GPM6B: variants seen among roughly 807,000 people sequenced by gnomAD.
GPM6B encodes the protein glycoprotein M6B, also known as neuronal membrane glycoprotein M6-b.
GPM6B carries 4 observed loss-of-function variants against 27.2 expected under a neutral mutation model. The ratio of observed to expected loss-of-function variants is 0.15; its 90% CI spans 0.07 to 0.34. GPM6B has a LOEUF of 0.34. Among genes scored for constraint, GPM6B ranks in the 10% least tolerant of loss-of-function variants. GPM6B has a pLI of 1.00. For missense variants in GPM6B, 183 were observed against 261.9 expected, an observed-to-expected ratio of 0.70 and a Z score of 2.08; for synonymous variants, 124 against 103.1, an observed-to-expected ratio of 1.20 and a Z score of -1.23.
At chrX:13,869,267 TAGGAAA>T (rs1481308898) in intron 1 of GPM6B, among the ~76,000 whole-genome samples, 14 of 110,336 alleles carry the variant, frequency 1.3e-4, no homozygotes, top group Non-Finnish European at 2.5e-4. Flanking sequence ...ATGTCCAGAA[TAGGAAA>T]ACCTATAGAG....
At chrX:13,786,533 C>A (rs1035771330) in intron 2 of GPM6B, among the ~76,000 whole-genome samples, 2 of 110,602 alleles carry the variant, frequency 1.8e-5, no homozygotes, top group Non-Finnish European at 3.8e-5. Context: ...TCCCCCCAGC[C>A]CAGTCAGCCC....
chrX:13,856,433 C>A (rs770465092), intron 1 of GPM6B, among the ~76,000 whole-genome samples: 77 of 111,902 alleles, frequency 6.9e-4, no homozygotes, highest in Non-Finnish European at 1.4e-3. Flanking sequence ...ATCTTCATGA[C>A]CATCCTCAGA....
At chrX:13,815,218 T>C (rs1225207982) in intron 1 of GPM6B, among the ~76,000 whole-genome samples, 1 of 112,010 alleles carries the variant, frequency 8.9e-6, no homozygotes, top group Non-Finnish European at 1.9e-5. Flanking sequence ...CAAAACGGTT[T>C]TATCTGCCAT....
intron 2 of GPM6B, among the ~76,000 whole-genome samples, chrX:13,793,554 A>G (rs972413239): frequency 2.7e-5 from 3 of 112,364 alleles, no homozygotes; most frequent in African/African-American, 9.7e-5. Context: ...GTTACAATAC[A>G]TAATTCTGGT....
At chrX:13,831,351 C>T (rs774830381) in intron 1 of GPM6B, among the ~76,000 whole-genome samples, 4 of 110,806 alleles carry the variant, frequency 3.6e-5, no homozygotes, top group African/African-American at 3.3e-5. Flanking sequence ...TGGGAGGTCT[C>T]GGTTCTAAGG....
intron 1 of GPM6B, among the ~76,000 whole-genome samples, chrX:13,926,896 T>TA (rs1569311183): frequency 1.8e-5 from 2 of 111,260 alleles, no homozygotes; most frequent in Non-Finnish European, 3.8e-5. Flanking sequence ...GCACAAGTCA[T>TA]AAAAAATTAA....
chrX:13,803,699 G>A (rs1174066484), intron 2 of GPM6B, among the ~76,000 whole-genome samples: 1 of 111,911 alleles, frequency 8.9e-6, no homozygotes, highest in East Asian at 2.8e-4. Context: ...GGAGATGAGA[G>A]ACATTTGAGA....
At chrX:13,797,635 G>T (rs1270557857) in intron 2 of GPM6B, among the ~76,000 whole-genome samples, 1 of 111,185 alleles carries the variant, frequency 9.0e-6, no homozygotes, top group Non-Finnish European at 1.9e-5. Context: ...GAGAGGGAAG[G>T]TTTGTGAGCA....
chrX:13,831,912 A>G (rs1054457774), intron 1 of GPM6B, among the ~76,000 whole-genome samples: 2 of 111,674 alleles, frequency 1.8e-5, no homozygotes, highest in African/African-American at 3.2e-5. Flanking sequence ...GATAAAATTT[A>G]GTGCTATCAA....
intron 1 of GPM6B, among the ~76,000 whole-genome samples, chrX:13,917,840 G>A (rs2050443394): frequency 8.9e-6 from 1 of 112,134 alleles, no homozygotes; most frequent in Non-Finnish European, 1.9e-5. Flanking sequence ...TTTCCTAATT[G>A]CATTAAACTA....
chrX:13,938,294 A>AC lies in GPM6B; in HGVS notation c.-198+32dup, dbSNP rs113660707. 1,167 of 267,397 alleles carry AC rather than the reference A, an allele frequency of 4.4e-3. 16 individuals are homozygous for AC. The highest frequency in any genetic ancestry group is 0.042 in the South Asian group (160 of 3,839). 22.0% of individuals were successfully genotyped at this position (267,397 alleles called of 1,213,427 possible). A position where few individuals can be genotyped will look rare whatever the true frequency, so the allele number is the denominator to read the frequency against. On this transcript the variant is annotated intron_variant, in intron 1 of 6. Transcript: ENST00000398361. ...CCTGGCCGCAGCCGGAGCGGGGACC[A>AC]CCCCCCCCACAGGATACAACAGGGA...
chrX:13,823,498 C>G (rs2049334465), intron 1 of GPM6B, among the ~76,000 whole-genome samples: 1 of 104,544 alleles, frequency 9.6e-6, no homozygotes, highest in Non-Finnish European at 2.0e-5. Flanking sequence ...TCTCTCCTGA[C>G]AAAAACATTC....
In GPM6B at chrX:13,772,920, G is replaced by T. The variant is rs2048327405; in HGVS notation, c.948C>A (p.Ile316=). The change falls in exon 8 of 8, where the codon ATC becomes ATA. Residue 316 remains isoleucine (I), a synonymous_variant. Transcript: ENST00000316715. Reference sequence around the variant, plus strand: ...TGAGTTGTTCTTTTGACCGAGACTGGATATCTTGCAGTTCCTGTTCTTCCT... The same window carrying T: ...TGAGTTGTTCTTTTGACCGAGACTGTATATCTTGCAGTTCCTGTTCTTCCT... The part of the protein sequence containing the change: ...KAKEEQELQD[I]QSRSKEQLNS... The T allele has an allele frequency of 8.3e-7, 1 of 1,208,714 alleles. No individual in the cohort carries two copies. Among genetic ancestry groups the T allele is most frequent in the Non-Finnish European group, 1.1e-6 (1 of 894,207 alleles).
At chrX:13,915,402 T>C (rs1444829332) in intron 1 of GPM6B, among the ~76,000 whole-genome samples, 1 of 111,725 alleles carries the variant, frequency 9.0e-6, no homozygotes, top group African/African-American at 3.3e-5. Flanking sequence ...AAAATGGCAT[T>C]CTCCATTCTC....
At chrX:13,815,337 C>A (rs934873768) in intron 1 of GPM6B, among the ~76,000 whole-genome samples, 1 of 111,702 alleles carries the variant, frequency 9.0e-6, no homozygotes, top group African/African-American at 3.2e-5. Context: ...CATTATCATA[C>A]CCCGACAACA....
intron 5 of GPM6B, 42 bp from the exon 6 acceptor site, chrX:13,777,467 C>G (rs140636822): frequency 2.2e-6 from 2 of 917,055 alleles, no homozygotes; most frequent in South Asian, 4.0e-5. Flanking sequence ...CAAACTATAG[C>G]GCCTCATGTT....
chrX:13,837,273 T>G (rs1338279738), intron 1 of GPM6B, among the ~76,000 whole-genome samples: 1 of 112,084 alleles, frequency 8.9e-6, no homozygotes, highest in Non-Finnish European at 1.9e-5. Context: ...ATTTCTCTTT[T>G]TCTTTGTTAC....
intron 2 of GPM6B, among the ~76,000 whole-genome samples, chrX:13,786,145 C>T (rs1430844062): frequency 2.7e-5 from 3 of 112,522 alleles, no homozygotes; most frequent in Non-Finnish European, 5.6e-5. Context: ...GAGCCCCGCT[C>T]AAGTGCCAAC....
At chrX:13,805,230 C>T (rs1266641488) in intron 2 of GPM6B, among the ~76,000 whole-genome samples, 1 of 112,071 alleles carries the variant, frequency 8.9e-6, no homozygotes, top group East Asian at 2.8e-4. Flanking sequence ...AGTAGTATCA[C>T]CAGCAACCTG....
Sources: allele counts gnomAD v4.1 joint callset (sites outside exome capture counted in the v4.1 genomes callset), GRCh38; gene constraint gnomAD v4.1.1; transcripts MANE v1.5; gene names NCBI Gene and HGNC (gene_info 2026-07-23, HGNC 2026-07-21).